Variants in TMEM132D observed in about 807,000 individuals in gnomAD.
The protein encoded by TMEM132D is transmembrane protein 132D, also known as mature OL transmembrane protein.
TMEM132D carries 21 observed loss-of-function variants against 62.3 expected under a neutral mutation model. The ratio of observed to expected loss-of-function variants is 0.34; its 90% CI spans 0.24 to 0.49. TMEM132D has a LOEUF of 0.49. Among genes scored for constraint, TMEM132D ranks in the 20% least tolerant of loss-of-function variants. The probability of loss-of-function intolerance (pLI) is 0.99; values close to 1 mark genes in which losing one functional copy is unlikely to be tolerated. For missense variants in TMEM132D, 1,346 were observed against 1,402.8 expected (o/e 0.96, Z 0.65); for synonymous variants, 621 against 575.6 (o/e 1.08, Z -1.13).
intron 3 of TMEM132D, among the ~76,000 whole-genome samples, chr12:129,515,830 CCA>C (rs1242255441): frequency 1.3e-5 from 2 of 152,202 alleles, no homozygotes; most frequent in Non-Finnish European, 2.9e-5. Context: ...ATGCATAAAG[CCA>C]CAGTTTTCCC....
chr12:129,462,482 T>C (rs1199842916), intron 3 of TMEM132D, among the ~76,000 whole-genome samples: 9 of 152,176 alleles, frequency 5.9e-5, no homozygotes, highest in East Asian at 5.8e-4. Flanking sequence ...TTTTCACATA[T>C]GTAAGATAAA....
intron 2 of TMEM132D, among the ~76,000 whole-genome samples, chr12:129,688,545 A>G (rs1035736398): frequency 1.3e-5 from 2 of 152,062 alleles, no homozygotes; most frequent in Non-Finnish European, 2.9e-5. Context: ...TTTTCCACAC[A>G]TGGCCTTGAA....
chr12:129,891,666 T>C (rs1234830515), intron 1 of TMEM132D, among the ~76,000 whole-genome samples: 2 of 152,198 alleles, frequency 1.3e-5, no homozygotes, highest in Admixed American at 6.5e-5. Flanking sequence ...AAAACTTAAA[T>C]TATGCACAAA....
Position 129,572,832 on chromosome 12 carries a change from G to A in TMEM132D, c.969-41627C>T, listed in dbSNP as rs191069076. Among the ~76,000 whole-genome samples, 5 of 152,052 alleles carry A rather than the reference G, an allele frequency of 3.3e-5. No individual in the cohort carries two copies. The East Asian group carries it at 9.7e-4, about 30-fold the overall frequency. Reference sequence around the variant, plus strand: ...ATTACTCCTTAGATTCTTTTCCTTGGATTCTGAGGAAAGCCAATTTCGTGG... The same window carrying A: ...ATTACTCCTTAGATTCTTTTCCTTGAATTCTGAGGAAAGCCAATTTCGTGG... On this transcript the variant is annotated intron_variant, in intron 2 of 8. Coordinates refer to ENST00000422113, the MANE Select transcript of TMEM132D (RefSeq NM_133448.3).
At chr12:129,453,142 A>C (rs575457138) in intron 3 of TMEM132D, among the ~76,000 whole-genome samples, 1 of 152,322 alleles carries the variant, frequency 6.6e-6, no homozygotes, top group East Asian at 1.9e-4. Flanking sequence ...CTAATGATAA[A>C]TGTAGTGTGC....
intron 5 of TMEM132D, among the ~76,000 whole-genome samples, chr12:129,203,448 G>C (rs892534121): frequency 1.3e-5 from 2 of 152,224 alleles, no homozygotes; most frequent in African/African-American, 4.8e-5. Context: ...CAGTGGCCCT[G>C]CTTCTGTGGG....
chr12:129,612,538 C>T (rs1878804014), intron 2 of TMEM132D, among the ~76,000 whole-genome samples: 2 of 152,174 alleles, frequency 1.3e-5, no homozygotes, highest in Non-Finnish European at 2.9e-5. Context: ...TAGACTTACT[C>T]TTACAGGCTT....
intron 2 of TMEM132D, among the ~76,000 whole-genome samples, chr12:129,663,152 CT>C (rs1880285873): frequency 6.7e-6 from 1 of 149,896 alleles, no homozygotes; most frequent in Non-Finnish European, 1.5e-5. Context: ...TTTTTTTTTC[CT>C]TTTGAGATGG....
intron 3 of TMEM132D, among the ~76,000 whole-genome samples, chr12:129,516,217 AT>A (rs1875669932): frequency 1.3e-5 from 2 of 152,118 alleles, no homozygotes; most frequent in African/African-American, 4.8e-5. Context: ...TCACTTAATC[AT>A]TTCACTTTCC....
intron 5 of TMEM132D, among the ~76,000 whole-genome samples, chr12:129,097,677 A>G (rs1875159478): frequency 6.6e-6 from 1 of 152,204 alleles, no homozygotes; most frequent in Admixed American, 6.5e-5. Context: ...TTCTGTGTCA[A>G]CTCTGGGCTA....
intron 1 of TMEM132D, among the ~76,000 whole-genome samples, chr12:129,875,160 G>A (rs1040002395): frequency 2.6e-5 from 4 of 152,226 alleles, no homozygotes; most frequent in African/African-American, 7.2e-5. Flanking sequence ...GACAGAGACC[G>A]CATGGCCTGC....
intron 3 of TMEM132D, among the ~76,000 whole-genome samples, chr12:129,419,885 T>C (rs1038772412): frequency 5.3e-5 from 8 of 152,086 alleles, no homozygotes; most frequent in East Asian, 3.9e-4. Flanking sequence ...GGTAAACTAA[T>C]TTATGTGGGA....
Position 129,766,022 on chromosome 12 carries a change from AT to A in TMEM132D, c.80-65325del, listed in dbSNP as rs1870541253. Among the ~76,000 whole-genome samples, 3 of 152,084 alleles carry A rather than the reference AT, an allele frequency of 2.0e-5. No individual in the cohort carries two copies. In the East Asian group the frequency reaches 5.8e-4, roughly 29 times the overall value. On this transcript the variant is annotated intron_variant, in intron 1 of 8. Transcript: ENST00000422113. ...GGCGCCCTTGGACTTGTTCTGGACA[AT>A]GAGGCGGAGGCAGAAGTGCCCTGTG...
intron 1 of TMEM132D, among the ~76,000 whole-genome samples, chr12:129,800,887 G>A (rs1296958985): frequency 6.6e-6 from 1 of 152,206 alleles, no homozygotes. Context: ...GCAGGGCGAG[G>A]CATTGCCTCA....
intron 4 of TMEM132D, among the ~76,000 whole-genome samples, chr12:129,223,515 C>T (rs1286112363): frequency 6.6e-6 from 1 of 152,118 alleles, no homozygotes; most frequent in African/African-American, 2.4e-5. Flanking sequence ...ACAGGAGACC[C>T]TGAGCAGAAG....
chr12:129,081,614 C>T, intron 7 of TMEM132D, 145 bp downstream of exon 7: 1 of 1,251,950 alleles, frequency 8.0e-7, no homozygotes, highest in East Asian at 2.5e-5. Flanking sequence ...GCTTGTATTG[C>T]TTACTCCACA....
rs12309724 is a variant in TMEM132D at position 129,247,812 on chromosome 12, G to T, written c.1300-38149C>A. ...ATATGCCCCATAGCTTTTAATTCTG[G>T]CTGGATAGAAAAGCATTGCTGAAGT... On this transcript the variant is annotated intron_variant, in intron 4 of 8. Coordinates refer to ENST00000422113, the MANE Select transcript of TMEM132D (RefSeq NM_133448.3). Among the ~76,000 whole-genome samples the T allele has an allele frequency of 3.3e-5, 5 of 151,734 alleles. No individual in the cohort carries two copies. In the East Asian group the frequency reaches 9.7e-4, roughly 29 times the overall value.
chr12:129,881,963 A>G (rs1014390352), intron 1 of TMEM132D, among the ~76,000 whole-genome samples: 5 of 152,072 alleles, frequency 3.3e-5, no homozygotes, highest in African/African-American at 1.2e-4. Context: ...CAGATCTAAA[A>G]CTACAAAAAG....
At chr12:129,877,576 C>T (rs1874459407) in intron 1 of TMEM132D, among the ~76,000 whole-genome samples, 1 of 151,920 alleles carries the variant, frequency 6.6e-6, no homozygotes, top group Admixed American at 6.6e-5. Context: ...TTGAGAATAG[C>T]GGCTTAATAA....
Sources: gnomAD v4.1 joint callset for allele counts (sites outside exome capture counted in the v4.1 genomes callset) on GRCh38, gnomAD v4.1.1 for gene constraint, MANE v1.5 for transcripts, NCBI Gene and HGNC (gene_info 2026-07-23, HGNC 2026-07-21) for gene names.